Variants in CUX1 observed in about 807,000 individuals in gnomAD.
CUX1 encodes protein CASP.
Under a neutral mutation model 158.8 loss-of-function variants are expected in CUX1, and 31 were observed. That is an observed-to-expected ratio of 0.20 (90% CI 0.15 to 0.26). CUX1 has a LOEUF of 0.26. CUX1 is among the 10% of genes least tolerant of loss of function. The probability of loss-of-function intolerance (pLI) is 1.00; values close to 1 mark genes in which losing one functional copy is unlikely to be tolerated. For missense variants in CUX1, 1,589 were observed against 2,014.6 expected (o/e 0.79, Z 4.04); for synonymous variants, 879 against 862.1 (o/e 1.02, Z -0.34).
At chr7:101,969,221 G>A (rs996810771) in intron 2 of CUX1, among the ~76,000 whole-genome samples, 1 of 151,898 alleles carries the variant, frequency 6.6e-6, no homozygotes, top group Admixed American at 6.6e-5. Flanking sequence ...TGTACTTTCA[G>A]CTACCCAGGA....
chr7:102,274,309 C>T (rs1045047208), exon 16 of CUX1: 37 of 1,612,886 alleles, frequency 2.3e-5, no homozygotes, highest in Non-Finnish European at 2.6e-5. Context: ...CCCTATTCTA[C>T]GGTAAGGAGA....
chr7:102,111,414 G>T (rs1830867497), intron 6 of CUX1, among the ~76,000 whole-genome samples: 2 of 151,868 alleles, frequency 1.3e-5, no homozygotes, highest in Non-Finnish European at 1.5e-5. Context: ...TTAAAATCTG[G>T]CATTTCAAGA....
At chr7:101,870,892 A>G (rs1798450339) in intron 1 of CUX1, among the ~76,000 whole-genome samples, 1 of 152,256 alleles carries the variant, frequency 6.6e-6, no homozygotes, top group African/African-American at 2.4e-5. Flanking sequence ...GTAAATAAAT[A>G]GTAAGGCGCC....
In CUX1 at chr7:102,252,601, T is replaced by G. The variant is rs1216353243; in HGVS notation, c.*3559T>G. 1 of 985,328 alleles carries G rather than the reference T, an allele frequency of 1.0e-6. No individual in the cohort carries two copies. The highest frequency in any genetic ancestry group is 1.2e-6 in the Non-Finnish European group (1 of 829,940). The allele number at this position is 985,328 out of a possible 1,614,324, so 61.0% of individuals were successfully genotyped here. A position where few individuals can be genotyped will look rare whatever the true frequency, so the allele number is the denominator to read the frequency against. On this transcript the variant is annotated 3_prime_UTR_variant, in exon 24 of 24. Coordinates refer to ENST00000292535, the MANE Select transcript of CUX1 (RefSeq NM_181552.4). ...CAGAGGCTCGGGGTAAAATCAGTGT[T>G]TGCATTTAGCCTCTTGACCCGGAGT...
intron 1 of CUX1, among the ~76,000 whole-genome samples, chr7:101,894,300 A>C (rs1801221182): frequency 6.6e-6 from 1 of 152,206 alleles, no homozygotes; most frequent in East Asian, 1.9e-4. Context: ...ATTATGGTGC[A>C]GTTTTTTTGG....
chr7:102,249,227 AG>A lies in CUX1; in HGVS notation c.*186del. 2.7e-6 allele frequency: 3 copies of A among 1,095,754 alleles called. No homozygotes were observed. Among genetic ancestry groups the A allele is most frequent in the Non-Finnish European group, 3.3e-6 (3 of 899,956 alleles). 67.9% of individuals were successfully genotyped at this position (1,095,754 alleles called of 1,614,324 possible). On this transcript the variant is annotated 3_prime_UTR_variant, in exon 24 of 24. Coordinates refer to ENST00000292535, the MANE Select transcript of CUX1 (RefSeq NM_181552.4). ...CGCGGCCTGCACCGACCCGAGGCCC[AG>A]ATCCAAGGCCGCGGCCCAGACCCAC... is the stretch of plus-strand genomic sequence containing the variant.
rs572884580 is a variant in CUX1 at position 102,282,762 on chromosome 7, C to T, written c.1953C>T (p.Thr651=). 114 of 1,613,442 alleles carry T rather than the reference C, an allele frequency of 7.1e-5. 1 individual carries two copies. In the South Asian group the frequency reaches 1.1e-3, roughly 16 times the overall value. ...AGAGCATGGAGAGGGACTGTGCCAC[C>T]TTCTGCGCCAAGAAGTGAGGACCCC... The change falls in exon 22 of 23, where the codon ACC becomes ACT. Residue 651 remains threonine (T), a synonymous_variant. Coordinates refer to the CUX1 transcript ENST00000292538.
At chr7:102,043,778 T>C (rs980580184) in intron 3 of CUX1, among the ~76,000 whole-genome samples, 3 of 152,174 alleles carry the variant, frequency 2.0e-5, no homozygotes, top group Non-Finnish European at 4.4e-5. Context: ...ACCTCCGTAC[T>C]GTTTCCCATA....
At chr7:102,094,762 G>A (rs1157856365) in intron 4 of CUX1, among the ~76,000 whole-genome samples, 3 of 152,148 alleles carry the variant, frequency 2.0e-5, no homozygotes, top group Non-Finnish European at 4.4e-5. Flanking sequence ...TGACCTCTAT[G>A]TCAAGTTTAA....
At chr7:102,219,279 T>TG (rs566369317) in intron 20 of CUX1, among the ~76,000 whole-genome samples, 2 of 150,940 alleles carry the variant, frequency 1.3e-5, no homozygotes, top group Admixed American at 6.6e-5. Context: ...TTGGTGGGGG[T>TG]GGGGGGGACA....
At chr7:101,910,483 A>G (rs569391052) in intron 1 of CUX1, among the ~76,000 whole-genome samples, 19 of 151,498 alleles carry the variant, frequency 1.3e-4, no homozygotes, top group Non-Finnish European at 2.1e-4. Flanking sequence ...CAAGCCAGGC[A>G]TGGTGGCTTA....
At chr7:101,896,366 G>T (rs554991827) in intron 1 of CUX1, among the ~76,000 whole-genome samples, 3 of 152,188 alleles carry the variant, frequency 2.0e-5, no homozygotes, top group Non-Finnish European at 4.4e-5. Context: ...CGTCGAATCG[G>T]TGTGCGTTTG....
intron 11 of CUX1, among the ~76,000 whole-genome samples, chr7:102,182,775 A>C (rs1793232472): frequency 6.6e-6 from 1 of 152,194 alleles, no homozygotes; most frequent in Admixed American, 6.5e-5. Flanking sequence ...TTAATATAGA[A>C]GCAGTATAAT....
chr7:101,885,133 T>C (rs1166133493), intron 1 of CUX1, among the ~76,000 whole-genome samples: 1 of 152,228 alleles, frequency 6.6e-6, no homozygotes, highest in Non-Finnish European at 1.5e-5. Flanking sequence ...GAGGTCTGTC[T>C]CCTTTGGCGG....
chr7:102,129,509 C>T (rs1487091915), intron 8 of CUX1, among the ~76,000 whole-genome samples: 2 of 152,050 alleles, frequency 1.3e-5, no homozygotes, highest in African/African-American at 4.8e-5. Flanking sequence ...CATGGTAAAA[C>T]CCTGTCTCTA....
intron 11 of CUX1, among the ~76,000 whole-genome samples, chr7:102,179,104 A>G (rs1792734456): frequency 6.6e-6 from 1 of 151,590 alleles, no homozygotes; most frequent in Non-Finnish European, 1.5e-5. Context: ...CTGGAGTGCA[A>G]TGGCATGATC....
At chr7:102,026,869 A>G (rs988874431) in intron 2 of CUX1, among the ~76,000 whole-genome samples, 8 of 151,062 alleles carry the variant, frequency 5.3e-5, no homozygotes, top group Non-Finnish European at 7.4e-5. Flanking sequence ...CTAAACTTTC[A>G]GTAAATAAGA....
intron 14 of CUX1, among the ~76,000 whole-genome samples, chr7:102,271,458 C>T (rs1434440597): frequency 3.3e-5 from 5 of 152,172 alleles, no homozygotes; most frequent in Non-Finnish European, 7.3e-5. Flanking sequence ...CATGTGTGGC[C>T]GGCTCTGCCA....
At chr7:101,995,934 G>A (rs1815808161) in intron 2 of CUX1, among the ~76,000 whole-genome samples, 1 of 152,132 alleles carries the variant, frequency 6.6e-6, no homozygotes, top group Non-Finnish European at 1.5e-5. Context: ...GTAAAATGTA[G>A]AAACTCCATC....
Sources: allele counts gnomAD v4.1 joint callset (sites outside exome capture counted in the v4.1 genomes callset), GRCh38; gene constraint gnomAD v4.1.1; transcripts MANE v1.5; gene names NCBI Gene and HGNC (gene_info 2026-07-23, HGNC 2026-07-21).